The following SCG5 variants were observed in gnomAD, a reference collection of about 807,000 sequenced individuals.
The protein encoded by SCG5 is neuroendocrine protein 7B2.
Under a neutral mutation model 25.7 loss-of-function variants are expected in SCG5, and 18 were observed. The observed-to-expected ratio is 0.70, with a 90% CI of 0.48 to 1.04. SCG5 has a LOEUF of 1.04. Ranked by LOEUF, SCG5 falls within the 50% of genes least tolerant of loss-of-function variation. SCG5 has a pLI of 0.00. For synonymous variants in SCG5, 101 were observed against 91.7 expected (o/e 1.10, Z -0.58); for missense variants, 206 against 259.8 (o/e 0.79, Z 1.42).
chr15:32,679,217 C>T (rs925474849), intron 2 of SCG5, among the ~76,000 whole-genome samples: 2 of 148,034 alleles, frequency 1.4e-5, no homozygotes, highest in Admixed American at 1.3e-4. Context: ...TTTTTTGAGA[C>T]AGAGTTTTGC....
intron 2 of SCG5, among the ~76,000 whole-genome samples, chr15:32,656,797 G>A (rs907781179): frequency 5.3e-5 from 8 of 152,172 alleles, no homozygotes; most frequent in African/African-American, 2.4e-5. Flanking sequence ...TGTCGAAGGC[G>A]GCTGGAAGGG....
intron 3 of SCG5, 58 bp downstream of exon 3, chr15:32,679,973 A>G: frequency 1.4e-6 from 2 of 1,438,754 alleles, no homozygotes; most frequent in Non-Finnish European, 1.9e-6. Context: ...GGAAATCAGA[A>G]ATTCTAACAT....
At chr15:32,666,992 T>C (rs1325143806) in intron 2 of SCG5, among the ~76,000 whole-genome samples, 2 of 152,216 alleles carry the variant, frequency 1.3e-5, no homozygotes, top group African/African-American at 4.8e-5. Context: ...ACTCTAAGTA[T>C]AAACTACACA....
rs2054530048 is a variant in SCG5 at position 32,676,349 on chromosome 15, TC to T, written c.227-3415del. Among the ~76,000 whole-genome samples, 5 of 152,314 alleles carry T rather than the reference TC, an allele frequency of 3.3e-5. No homozygotes were observed. The South Asian group carries it at 1.0e-3, about 32-fold the overall frequency. Reference sequence around the variant, plus strand: ...AGGTAAACGGAGCTTTGGCAGGCCTTCCATAAGAGAAACTGTTTGCTTCCTT... The same window carrying T: ...AGGTAAACGGAGCTTTGGCAGGCCTTCATAAGAGAAACTGTTTGCTTCCTT... On this transcript the variant is annotated intron_variant, in intron 2 of 5. Coordinates refer to ENST00000300175, the MANE Select transcript of SCG5 (RefSeq NM_001144757.3).
intron 4 of SCG5, among the ~76,000 whole-genome samples, chr15:32,690,167 C>T (rs2054821891): frequency 6.6e-6 from 1 of 152,162 alleles, no homozygotes; most frequent in South Asian, 2.1e-4. Context: ...CCAAGATCTC[C>T]TAAAGAATTA....
chr15:32,660,453 G>A (rs1183350155), intron 2 of SCG5, among the ~76,000 whole-genome samples: 1 of 152,198 alleles, frequency 6.6e-6, no homozygotes, highest in Non-Finnish European at 1.5e-5. Flanking sequence ...ATGACCATCA[G>A]CCTCTCTCCA....
intron 2 of SCG5, among the ~76,000 whole-genome samples, chr15:32,648,771 CTTT>C (rs67887619): frequency 0.036 from 3,983 of 111,496 alleles, 84 homozygotes; most frequent in East Asian, 0.11. Context: ...TTGCAGTCTC[CTTT>C]TTTTTTTTTA....
chr15:32,654,829 C>G (rs925222132), intron 2 of SCG5, among the ~76,000 whole-genome samples: 22 of 152,266 alleles, frequency 1.4e-4, no homozygotes, highest in East Asian at 5.8e-4. Flanking sequence ...CATATTTGCT[C>G]CCTTGAAATA....
intron 4 of SCG5, among the ~76,000 whole-genome samples, chr15:32,691,210 T>A (rs1224165297): frequency 6.6e-6 from 1 of 152,206 alleles, no homozygotes; most frequent in East Asian, 1.9e-4. Flanking sequence ...ACCAAATGGT[T>A]TTCCAATTGT....
chr15:32,691,988 C>G lies in SCG5; in HGVS notation c.543+225C>G, dbSNP rs1430554109. ...GATGATTTTTAGTGGAACGCGCAGT[C>G]TGTAGCAATTCTAGCAACTCCATTC... On this transcript the variant is annotated intron_variant, in intron 5 of 5. Coordinates refer to ENST00000300175, the MANE Select transcript of SCG5 (RefSeq NM_001144757.3). 1.4e-5 allele frequency: 20 copies of G among 1,411,154 alleles called. No individual in the cohort carries two copies. In the South Asian group the frequency reaches 2.0e-4, roughly 14 times the overall value. 87.4% of individuals were successfully genotyped at this position (1,411,154 alleles called of 1,614,324 possible). A position where few individuals can be genotyped will look rare whatever the true frequency, so the allele number is the denominator to read the frequency against.
At chr15:32,663,094 A>T in intron 2 of SCG5, among the ~76,000 whole-genome samples, 1 of 143,634 alleles carries the variant, frequency 7.0e-6, no homozygotes, top group Non-Finnish European at 1.5e-5. Context: ...ATAATATGTT[A>T]TATATACACA....
chr15:32,665,346 A>G (rs1199733462), intron 2 of SCG5, among the ~76,000 whole-genome samples: 1 of 150,314 alleles, frequency 6.7e-6, no homozygotes, highest in Non-Finnish European at 1.5e-5. Flanking sequence ...TCACATCAGC[A>G]TTAGGTTCTG....
chr15:32,693,404 C>T (rs1299409430), intron 5 of SCG5, among the ~76,000 whole-genome samples: 1 of 152,064 alleles, frequency 6.6e-6, no homozygotes, highest in Non-Finnish European at 1.5e-5. Flanking sequence ...TCACTTTGAC[C>T]CAGAGATATC....
chr15:32,689,230 T>G (rs1233134337), intron 4 of SCG5, among the ~76,000 whole-genome samples: 6 of 152,214 alleles, frequency 3.9e-5, no homozygotes, highest in Non-Finnish European at 7.3e-5. Flanking sequence ...TTATATAGTA[T>G]AAGTATGGAT....
At chr15:32,663,790 C>T (rs995530339) in intron 2 of SCG5, among the ~76,000 whole-genome samples, 2 of 152,134 alleles carry the variant, frequency 1.3e-5, no homozygotes, top group Non-Finnish European at 2.9e-5. Flanking sequence ...TGGCATTTCC[C>T]TGCAGATGGG....
chr15:32,651,385 C>T (rs1415978221), intron 2 of SCG5, among the ~76,000 whole-genome samples: 1 of 152,182 alleles, frequency 6.6e-6, no homozygotes, highest in Non-Finnish European at 1.5e-5. Context: ...CAAGCTTTGG[C>T]CTTGGTAAAG....
chr15:32,692,294 TAG>T, intron 5 of SCG5: 1 of 984,286 alleles, frequency 1.0e-6, no homozygotes, highest in Non-Finnish European at 1.2e-6. Flanking sequence ...TAAAATCTAC[TAG>T]ATCTGTAATA....
At chr15:32,676,152 C>A (rs2054526758) in intron 2 of SCG5, among the ~76,000 whole-genome samples, 1 of 152,186 alleles carries the variant, frequency 6.6e-6, no homozygotes, top group Non-Finnish European at 1.5e-5. Context: ...CAAAGGACAG[C>A]ATTTTTTACT....
intron 2 of SCG5, among the ~76,000 whole-genome samples, chr15:32,671,084 G>A (rs2054415420): frequency 6.6e-6 from 1 of 152,200 alleles, no homozygotes; most frequent in Non-Finnish European, 1.5e-5. Flanking sequence ...CGGGTTAAAA[G>A]GGGAGGAATT....
Sources: gnomAD v4.1 joint callset for allele counts (sites outside exome capture counted in the v4.1 genomes callset) on GRCh38, gnomAD v4.1.1 for gene constraint, MANE v1.5 for transcripts, NCBI Gene and HGNC (gene_info 2026-07-23, HGNC 2026-07-21) for gene names.